The following CDK17 variants were observed in gnomAD, a reference collection of about 807,000 sequenced individuals.
CDK17 encodes cyclin dependent kinase 17, also known as cyclin-dependent kinase 17.
CDK17 carries 24 observed loss-of-function variants against 77.6 expected under a neutral mutation model. The observed-to-expected ratio is 0.31, with a 90% CI of 0.22 to 0.44. The LOEUF (loss-of-function observed/expected upper bound fraction) is 0.44. CDK17 is among the 20% of genes least tolerant of loss of function. CDK17 has a pLI of 1.00. For synonymous variants in CDK17, 203 were observed against 210.4 expected (o/e 0.96, Z 0.30); for missense variants, 429 against 622.5 (o/e 0.69, Z 3.31).
At chr12:96,322,100 A>C (rs1219042904) in intron 3 of CDK17, among the ~76,000 whole-genome samples, 1 of 152,210 alleles carries the variant, frequency 6.6e-6, no homozygotes, top group Non-Finnish European at 1.5e-5. Flanking sequence ...CACGTCATTA[A>C]CAAACAAGTG....
chr12:96,300,956 C>CA, intron 5 of CDK17, among the ~76,000 whole-genome samples: 1 of 152,254 alleles, frequency 6.6e-6, no homozygotes, highest in Admixed American at 6.5e-5. Flanking sequence ...TAAGATACCA[C>CA]AGGCATTTTA....
chr12:96,381,758 C>T (rs1953886600), intron 1 of CDK17, among the ~76,000 whole-genome samples: 1 of 149,112 alleles, frequency 6.7e-6, no homozygotes, highest in Non-Finnish European at 1.5e-5. Context: ...ATCACCAAAA[C>T]AACTTATCTA....
chr12:96,322,493 CAA>C (rs779736856), intron 3 of CDK17, among the ~76,000 whole-genome samples: 1 of 107,962 alleles, frequency 9.3e-6, no homozygotes, highest in Non-Finnish European at 2.0e-5. Context: ...TGCCCCCTTA[CAA>C]AAAAAAAAAA....
At chr12:96,333,620 G>A (rs960437316) in intron 2 of CDK17, among the ~76,000 whole-genome samples, 4 of 149,186 alleles carry the variant, frequency 2.7e-5, no homozygotes, top group Admixed American at 6.7e-5. Flanking sequence ...GTTGCAGTGA[G>A]CCAACATTGT....
At chr12:96,383,940 A>G (rs1953927598) in intron 1 of CDK17, among the ~76,000 whole-genome samples, 1 of 152,252 alleles carries the variant, frequency 6.6e-6, no homozygotes, top group African/African-American at 2.4e-5. Context: ...GAGCTTCTGC[A>G]TGGCAAAAGA....
intron 1 of CDK17, among the ~76,000 whole-genome samples, chr12:96,379,465 C>T (rs563356308): frequency 6.6e-6 from 1 of 151,744 alleles, no homozygotes; most frequent in South Asian, 2.1e-4. Flanking sequence ...CAAGTCTGTC[C>T]CCCAGGCTGG....
intron 1 of CDK17, among the ~76,000 whole-genome samples, chr12:96,358,978 CTT>C (rs143122058): frequency 3.3e-4 from 47 of 141,910 alleles, no homozygotes; most frequent in Non-Finnish European, 3.8e-4. Flanking sequence ...GGTCAGATGG[CTT>C]TTTTTTTTTT....
Position 96,280,807 on chromosome 12 carries a change from C to T in CDK17, c.1534+1G>A, listed in dbSNP as rs373182443. On this transcript the variant is annotated splice_donor_variant, in intron 16 of 16. Transcript: ENST00000261211. LOFTEE classifies it high-confidence loss of function. ...CGTGAAATGGTTTATGACAAACACA[C>T]CTGTCTCTGGATAAGAAGAATTTCG... 1.9e-6 allele frequency: 3 copies of T among 1,613,684 alleles called. No individual in the cohort carries two copies. The highest frequency in any genetic ancestry group is 1.1e-5 in the South Asian group (1 of 91,038).
intron 2 of CDK17, among the ~76,000 whole-genome samples, chr12:96,333,913 G>A (rs1953005664): frequency 6.6e-6 from 1 of 152,146 alleles, no homozygotes. Context: ...GTGTTTAAGT[G>A]TATCCAAAAT....
At chr12:96,353,374 T>G (rs1230417805) in intron 1 of CDK17, among the ~76,000 whole-genome samples, 1 of 152,220 alleles carries the variant, frequency 6.6e-6, no homozygotes, top group Non-Finnish European at 1.5e-5. Context: ...AAATGTCTTA[T>G]GCTTTGGGTT....
At chr12:96,302,534 A>G (rs1243466207) in intron 5 of CDK17, among the ~76,000 whole-genome samples, 2 of 152,170 alleles carry the variant, frequency 1.3e-5, no homozygotes, top group Non-Finnish European at 2.9e-5. Context: ...CTATATTGAG[A>G]ATAAATGCAA....
At chr12:96,361,493 G>A (rs988982846) in intron 1 of CDK17, among the ~76,000 whole-genome samples, 1 of 152,126 alleles carries the variant, frequency 6.6e-6, no homozygotes, top group Non-Finnish European at 1.5e-5. Context: ...TGAAGCTGAA[G>A]GAAAATAGCT....
At chr12:96,293,111 T>G (rs529287754) in intron 10 of CDK17, among the ~76,000 whole-genome samples, 1 of 152,244 alleles carries the variant, frequency 6.6e-6, no homozygotes, top group South Asian at 2.1e-4. Flanking sequence ...ACCCTTTATA[T>G]GCAGCATGTA....
Position 96,313,469 on chromosome 12 carries a change from G to A in CDK17, c.284-15C>T, listed in dbSNP as rs759186374. 26 of 1,464,620 alleles carry A rather than the reference G, an allele frequency of 1.8e-5. No homozygotes were observed. The East Asian group carries it at 2.2e-4, about 12-fold the overall frequency. 90.7% of individuals were successfully genotyped at this position (1,464,620 alleles called of 1,614,324 possible). ...ATGAACAATATCTATATCAAAAAAT[G>A]AGACATTAAAAGAGATACATTATAT... On this transcript the variant is annotated splice_polypyrimidine_tract_variant and intron_variant, in intron 3 of 16. Transcript: ENST00000261211.
At chr12:96,339,934 CAATAA>C (rs919960890) in intron 1 of CDK17, among the ~76,000 whole-genome samples, 12 of 151,492 alleles carry the variant, frequency 7.9e-5, no homozygotes, top group African/African-American at 2.9e-4. Flanking sequence ...ATCAATCAAT[CAATAA>C]AATAAAATAA....
chr12:96,392,982 A>C (rs958438243), intron 1 of CDK17, among the ~76,000 whole-genome samples: 4 of 152,252 alleles, frequency 2.6e-5, no homozygotes, highest in Non-Finnish European at 5.9e-5. Context: ...AGGACGTAAC[A>C]AATGCTTTAA....
chr12:96,394,073 C>T (rs569654851), intron 1 of CDK17, among the ~76,000 whole-genome samples: 2 of 152,022 alleles, frequency 1.3e-5, no homozygotes, highest in African/African-American at 4.8e-5. Flanking sequence ...TGGTGAAACC[C>T]TATCTCTACT....
At chr12:96,396,442 A>G (rs529878690) in intron 1 of CDK17, among the ~76,000 whole-genome samples, 2 of 152,342 alleles carry the variant, frequency 1.3e-5, no homozygotes, top group East Asian at 3.9e-4. Flanking sequence ...AGTGAACTAC[A>G]CTAGGTTCGC....
At chr12:96,300,645 C>T (rs772911846) in intron 5 of CDK17, among the ~76,000 whole-genome samples, 20 of 152,188 alleles carry the variant, frequency 1.3e-4, no homozygotes, top group Non-Finnish European at 2.8e-4. Flanking sequence ...GATCTGCCTG[C>T]CTTGGCCTTC....
Sources: gnomAD v4.1 joint callset for allele counts (sites outside exome capture counted in the v4.1 genomes callset) on GRCh38, gnomAD v4.1.1 for gene constraint, MANE v1.5 for transcripts, NCBI Gene and HGNC (gene_info 2026-07-23, HGNC 2026-07-21) for gene names.